Variants in ALKAL1 observed in about 807,000 individuals in gnomAD.
ALKAL1 encodes AUG-beta.
Under a neutral mutation model 13.5 loss-of-function variants are expected in ALKAL1, and 23 were observed. The ratio of observed to expected loss-of-function variants is 1.70; its 90% CI spans 1.23 to 2.41. ALKAL1 has a LOEUF of 2.41. Among genes scored for constraint, ALKAL1 ranks in the 30% most tolerant of loss-of-function variants. The pLI is 0.00. For synonymous variants in ALKAL1, 85 were observed against 77.7 expected, an observed-to-expected ratio of 1.09 and a Z score of -0.49; for missense variants, 181 against 178.4, an observed-to-expected ratio of 1.01 and a Z score of -0.08.
At chr8:52,534,759 C>A (rs951377200) in intron 4 of ALKAL1, among the ~76,000 whole-genome samples, 159 bp from the exon 5 acceptor site, 6 of 152,086 alleles carry the variant, frequency 3.9e-5, no homozygotes, top group Non-Finnish European at 7.4e-5. Context: ...TGCAGAGGGG[C>A]AGGAAGGTTG....
intron 2 of ALKAL1, 41 bp downstream of exon 2, chr8:52,542,351 T>C (rs768773456): frequency 7.6e-7 from 1 of 1,316,112 alleles, no homozygotes. Context: ...ACACAGTCTT[T>C]TTATTTAGTT....
chr8:52,543,453 C>T (rs949718001), intron 1 of ALKAL1, among the ~76,000 whole-genome samples: 10 of 152,228 alleles, frequency 6.6e-5, no homozygotes, highest in African/African-American at 2.4e-4. Context: ...CGTGGGAACA[C>T]TTCCCTGTGC....
intron 1 of ALKAL1, among the ~76,000 whole-genome samples, chr8:52,543,520 T>A (rs891183757): frequency 1.3e-5 from 2 of 152,194 alleles, no homozygotes; most frequent in Non-Finnish European, 2.9e-5. Flanking sequence ...GTTCAGGGCG[T>A]GATTGTGTGG....
At chr8:52,550,500 T>C (rs1847418973) in intron 1 of ALKAL1, among the ~76,000 whole-genome samples, 1 of 152,238 alleles carries the variant, frequency 6.6e-6, no homozygotes. Context: ...AGACGGATTC[T>C]GCCTTCAGAA....
intron 4 of ALKAL1, among the ~76,000 whole-genome samples, chr8:52,537,579 T>C (rs1252069823): frequency 6.6e-6 from 1 of 152,146 alleles, no homozygotes; most frequent in East Asian, 1.9e-4. Context: ...AAACTAAATG[T>C]CCATCAATGG....
chr8:52,563,294 G>A (rs1040085052), intron 1 of ALKAL1, among the ~76,000 whole-genome samples: 4 of 152,110 alleles, frequency 2.6e-5, no homozygotes, highest in Non-Finnish European at 2.9e-5. Flanking sequence ...TTAGCCGGGC[G>A]TGGTGGTGCG....
At chr8:52,552,331 G>A (rs1847438180) in intron 1 of ALKAL1, among the ~76,000 whole-genome samples, 1 of 151,956 alleles carries the variant, frequency 6.6e-6, no homozygotes, top group African/African-American at 2.4e-5. Flanking sequence ...ATTTATGTTT[G>A]CTGGTGTTGA....
At chr8:52,554,526 C>G (rs1847462109) in intron 1 of ALKAL1, among the ~76,000 whole-genome samples, 1 of 152,082 alleles carries the variant, frequency 6.6e-6, no homozygotes, top group Non-Finnish European at 1.5e-5. Context: ...AAATAAAGAA[C>G]AGAGAGCAAG....
intron 1 of ALKAL1, 76 bp downstream of exon 1, chr8:52,564,991 C>G: frequency 8.4e-7 from 1 of 1,190,800 alleles, no homozygotes; most frequent in Non-Finnish European, 1.1e-6. Flanking sequence ...AAAGCGAGTG[C>G]CTCGCCCAGC....
rs145116532 is a variant in ALKAL1 at position 52,539,869 on chromosome 8, C to A, written c.287G>T (p.Arg96Leu). 2.5e-6 allele frequency: 4 copies of A among 1,613,118 alleles called. No homozygotes were observed. Among genetic ancestry groups the A allele is most frequent in the South Asian group, 1.1e-5 (1 of 90,984 alleles). ...GCACTCCCTGGTATTGTAATAGAGT[C>A]GGTGGAAATGTTTGCTGCATTCTGG... ...FSPECSKHFHRLYYNTRECST... is the reference protein window; with the variant it reads ...FSPECSKHFHLLYYNTRECST... Residue 96 changes from arginine to leucine, a missense_variant, in exon 3 of 5, where the codon CGA (arginine) becomes CTA (leucine). By Grantham distance (102) the Arg-to-Leu change is moderately radical. Coordinates refer to ENST00000358543, the MANE Select transcript of ALKAL1 (RefSeq NM_207413.4).
chr8:52,538,742 C>A (rs1394830775), intron 3 of ALKAL1, among the ~76,000 whole-genome samples: 2 of 152,038 alleles, frequency 1.3e-5, no homozygotes, highest in African/African-American at 4.8e-5. Context: ...AATTAATTAC[C>A]CCATAACTAG....
At chr8:52,536,617 T>G (rs1263768564) in intron 4 of ALKAL1, among the ~76,000 whole-genome samples, 2 of 152,200 alleles carry the variant, frequency 1.3e-5, no homozygotes. Flanking sequence ...TTTTCTCTTA[T>G]TATTACAATA....
At chr8:52,541,690 A>G (rs1590865572) in intron 2 of ALKAL1, among the ~76,000 whole-genome samples, 1 of 151,972 alleles carries the variant, frequency 6.6e-6, no homozygotes, top group South Asian at 2.1e-4. Context: ...AATAGCTTGA[A>G]CTCGGCAGTG....
chr8:52,551,060 A>C (rs1847423141), intron 1 of ALKAL1, among the ~76,000 whole-genome samples: 1 of 152,182 alleles, frequency 6.6e-6, no homozygotes, highest in Non-Finnish European at 1.5e-5. Flanking sequence ...TTTCACAATA[A>C]TTTGCTCAAA....
chr8:52,559,097 T>C (rs1847513860), intron 1 of ALKAL1, among the ~76,000 whole-genome samples: 1 of 152,118 alleles, frequency 6.6e-6, no homozygotes, highest in South Asian at 2.1e-4. Context: ...AGGAAGGGCA[T>C]TAAACTGTTC....
intron 1 of ALKAL1, among the ~76,000 whole-genome samples, chr8:52,562,174 G>A (rs552199303): frequency 1.3e-5 from 2 of 152,260 alleles, no homozygotes; most frequent in East Asian, 3.9e-4. Flanking sequence ...CAGGAGCGAA[G>A]GTTACTGGGA....
At position 52,542,433 on chromosome 8, in the gene ALKAL1, C is replaced by G. The variant is rs1256076627; in HGVS notation, c.203G>C (p.Arg68Thr). 7 of 1,538,164 alleles carry G rather than the reference C, an allele frequency of 4.6e-6. No individual in the cohort carries two copies. The highest frequency in any genetic ancestry group is 1.7e-4 in the Middle Eastern group (1 of 5,836). ...GAATTTGTCTTTTAAGTTAGAGTCTCTTGGGAATATTTCTGAAAAGAAAAA... is the reference window on the plus strand; with the variant it reads ...GAATTTGTCTTTTAAGTTAGAGTCTGTTGGGAATATTTCTGAAAAGAAAAA... ...SGSRSAEIFPRDSNLKDKFIK... is the reference protein window; with the variant it reads ...SGSRSAEIFPTDSNLKDKFIK... Residue 68 changes from arginine to threonine, a missense_variant, in exon 2 of 5, where the codon AGA becomes ACA. Transcript: ENST00000358543.
chr8:52,550,759 C>T (rs1465873720), intron 1 of ALKAL1, among the ~76,000 whole-genome samples: 1 of 152,132 alleles, frequency 6.6e-6, no homozygotes, highest in Non-Finnish European at 1.5e-5. Flanking sequence ...CCAATCTCTG[C>T]CTTCATTGCC....
At chr8:52,554,688 A>G (rs2150346945) in intron 1 of ALKAL1, among the ~76,000 whole-genome samples, 1 of 152,374 alleles carries the variant, frequency 6.6e-6, no homozygotes, top group East Asian at 1.9e-4. Context: ...GATTTTATGA[A>G]AAATCCATTG....
Sources: gnomAD v4.1 joint callset for allele counts (sites outside exome capture counted in the v4.1 genomes callset) on GRCh38, gnomAD v4.1.1 for gene constraint, MANE v1.5 for transcripts, NCBI Gene and HGNC (gene_info 2026-07-23, HGNC 2026-07-21) for gene names.